The following KCNA3 variants were observed in gnomAD, a reference collection of about 807,000 sequenced individuals.
The protein encoded by KCNA3 is RP11-284N8.3.
KCNA3 carries 18 observed loss-of-function variants against 34.3 expected under a neutral mutation model. The observed-to-expected ratio is 0.52, with a 90% confidence interval of 0.36 to 0.78. The LOEUF (loss-of-function observed/expected upper bound fraction) is 0.78. KCNA3 is among the 30% of genes least tolerant of loss of function. The pLI is 0.00. For missense variants in KCNA3, 587 were observed against 802.5 expected (o/e 0.73, Z 3.24); for synonymous variants, 324 against 351.7 (o/e 0.92, Z 0.88).
chr1:110,654,391 C>G, the KCNA3 span: 2 of 152,092 alleles, frequency 1.3e-5, no homozygotes, highest in Admixed American at 1.3e-4. Flanking sequence ...AAAATGGTCA[C>G]TAGGTTGGAT....
Position 110,674,801 on chromosome 1 carries a change from C to T in KCNA3, c.9G>A (p.Glu3=), listed in dbSNP as rs909160123. 16 of 1,316,872 alleles carry T rather than the reference C, an allele frequency of 1.2e-5. No individual in the cohort carries two copies. Among genetic ancestry groups the T allele is most frequent in the Non-Finnish European group, 1.4e-5 (15 of 1,039,138 alleles). The allele number at this position is 1,316,872 out of a possible 1,614,324, so 81.6% of individuals were successfully genotyped here. Residue 3 remains glutamate, a synonymous_variant, in exon 1 of 1, where the codon GAG becomes GAA. Transcript: ENST00000369769. The surrounding 1 kb of genome is among the most constrained non-coding windows in gnomAD (Gnocchi z 6.4). MD[E]RLSLLRSPPP... ...GCGGCGAGCGCAGAAGGCTGAGGCG[C>T]TCGTCCATGCGGCGGGGAAGAGGCG...
chr1:110,674,484 T>C lies in KCNA3; in HGVS notation c.326A>G (p.Asn109Ser), dbSNP rs1407314634. The C allele has an allele frequency of 6.2e-7, 1 of 1,613,840 alleles. No homozygotes were observed. The highest frequency in any genetic ancestry group is 1.1e-5 in the South Asian group (1 of 91,060). The change falls in exon 1 of 1, where the codon AAC (asparagine) becomes AGC (serine). Residue 109 changes from asparagine to serine, a missense_variant. Asn to Ser is a conservative substitution (Grantham distance 46). Transcript: ENST00000369769. The surrounding 1 kb of genome is among the most constrained non-coding windows in gnomAD (Gnocchi z 6.4). ...CGTCTCGAAGCGCAGCCCGGAGATGTTGATGACCACGCGCTCCCCGCAGCA... is the reference window on the plus strand; with the variant it reads ...CGTCTCGAAGCGCAGCCCGGAGATGCTGATGACCACGCGCTCCCCGCAGCA... ...QDCCGERVVI[N>S]ISGLRFETQL...
chr1:110,673,355 G>A lies in KCNA3; in HGVS notation c.1455C>T (p.Tyr485=), dbSNP rs770015225. ...PVPVIVSNFN[Y]FYHRETEGEE... Reference sequence around the variant, plus strand: ...CCCCTTCTGTCTCCCGGTGGTAGAAGTAATTGAAGTTGGAAACAATCACGG... The same window carrying A: ...CCCCTTCTGTCTCCCGGTGGTAGAAATAATTGAAGTTGGAAACAATCACGG... Residue 485 remains tyrosine (Y), a synonymous_variant, in exon 1 of 1, where the codon TAC becomes TAT. Coordinates refer to ENST00000369769, the MANE Select transcript of KCNA3 (RefSeq NM_002232.5). This position sits in a 1 kb window ranked among gnomAD's most constrained non-coding sequence, Gnocchi z 8.8. 4 of 1,614,114 alleles carry A rather than the reference G, an allele frequency of 2.5e-6. No individual in the cohort carries two copies. Among genetic ancestry groups the A allele is most frequent in the Non-Finnish European group, 3.4e-6 (4 of 1,180,042 alleles).
chr1:110,667,986 T>C (rs1651743858), downstream of KCNA3, among the ~76,000 whole-genome samples: 1 of 152,182 alleles, frequency 6.6e-6, no homozygotes, highest in African/African-American at 2.4e-5. Context: ...ACTCCCTTTT[T>C]CCTGCCTCCT....
At chr1:110,658,743 G>A in the KCNA3 span, among the ~76,000 whole-genome samples, 1 of 152,120 alleles carries the variant, frequency 6.6e-6, no homozygotes, top group East Asian at 1.9e-4. Flanking sequence ...TTAAGAATGT[G>A]CTTTGTCTCA....
the KCNA3 span, chr1:110,657,004 T>C: frequency 3.9e-5 from 6 of 152,104 alleles, no homozygotes; most frequent in East Asian, 9.6e-4. Flanking sequence ...TCTTACTTCA[T>C]GTTTCTTTCC....
rs1229081460 is a variant in KCNA3 at position 110,673,237 on chromosome 1, T to C, written c.1573A>G (p.Ser525Gly). The C allele has an allele frequency of 6.2e-7, 1 of 1,614,118 alleles. No homozygotes were observed. The highest frequency in any genetic ancestry group is 1.1e-5 in the South Asian group (1 of 91,068). ...TCGATCACCATATACTCCGACTTAC[T>C]CAGAGTCGAGTTACTCCTTGCTTTT... ...LRKARSNSTL[S>G]KSEYMVIEEG... The change falls in exon 1 of 1, where the codon AGT (serine) becomes GGT (glycine). Residue 525 changes from serine (S) to glycine (G), a missense_variant. By Grantham distance (56) the Ser-to-Gly change is moderately conservative. This residue lies in a region of KCNA3 where 95 missense variants were observed against 107.3 expected (regional missense o/e 0.89). Transcript: ENST00000369769. The surrounding 1 kb of genome is among the most constrained non-coding windows in gnomAD (Gnocchi z 8.8).
the KCNA3 span, among the ~76,000 whole-genome samples, chr1:110,662,474 G>A: frequency 6.6e-6 from 1 of 152,034 alleles, no homozygotes; most frequent in African/African-American, 2.4e-5. Flanking sequence ...GTAGTTATAT[G>A]GGAACTTTGT....
chr1:110,667,995 C>T (rs146274212), downstream of KCNA3, among the ~76,000 whole-genome samples: 226 of 152,246 alleles, frequency 1.5e-3, no homozygotes, highest in African/African-American at 5.2e-3. Flanking sequence ...TTCCTGCCTC[C>T]TTTGATGTAC....
chr1:110,655,803 T>A, the KCNA3 span: 1 of 152,130 alleles, frequency 6.6e-6, no homozygotes. Context: ...AATTTTAGTA[T>A]CATTCTAATA....
chr1:110,656,097 A>G, the KCNA3 span: 2 of 152,120 alleles, frequency 1.3e-5, no homozygotes, highest in Non-Finnish European at 2.9e-5. Flanking sequence ...AAGGACATTA[A>G]CTTTTTAATG....
downstream of KCNA3, among the ~76,000 whole-genome samples, chr1:110,670,563 A>G (rs1218394095): frequency 1.3e-5 from 2 of 152,198 alleles, no homozygotes; most frequent in Non-Finnish European, 2.9e-5. Flanking sequence ...AATTGTTACA[A>G]TGTATCTAAC....
the KCNA3 span, among the ~76,000 whole-genome samples, chr1:110,660,583 C>T: frequency 2.6e-5 from 4 of 152,130 alleles, no homozygotes; most frequent in Non-Finnish European, 5.9e-5. Flanking sequence ...AATAGGATGA[C>T]ATTCCTATCA....
chr1:110,670,766 A>T (rs115121201), downstream of KCNA3, among the ~76,000 whole-genome samples: 684 of 152,282 alleles, frequency 4.5e-3, 11 homozygotes, highest in African/African-American at 0.015. Flanking sequence ...ATGACCAGGT[A>T]TATTTAGATT....
At chr1:110,656,344 G>A in the KCNA3 span, 118 of 151,482 alleles carry the variant, frequency 7.8e-4, no homozygotes, top group African/African-American at 2.6e-3. Flanking sequence ...TTTATGTCTT[G>A]CTGAGATCAA....
chr1:110,663,488 G>A, the KCNA3 span, among the ~76,000 whole-genome samples: 1 of 152,196 alleles, frequency 6.6e-6, no homozygotes, highest in Admixed American at 6.5e-5. Context: ...CAACAGTCAA[G>A]TCATTCTCTG....
chr1:110,674,324 G>T lies in KCNA3; in HGVS notation c.486C>A (p.Tyr162Ter). 1 of 1,614,194 alleles carries T rather than the reference G, an allele frequency of 6.2e-7. No individual in the cohort carries two copies. The highest frequency in any genetic ancestry group is 8.5e-7 in the Non-Finnish European group (1 of 1,180,022). The part of the protein sequence containing the change: ...NRPSFDAILY[Y>*]YQSGGRIRRP... ...GGCGGATGCGGCCCCCGGACTGATA[G>T]TAGTAGAGGATGGCGTCGAAGCTGG... The change falls in exon 1 of 1, where the codon TAC becomes TAA. Residue 162 changes from tyrosine to a stop codon, truncating the protein, a stop_gained. Coordinates refer to ENST00000369769, the MANE Select transcript of KCNA3 (RefSeq NM_002232.5). LOFTEE classifies it high-confidence loss of function. The surrounding 1 kb of genome is among the most constrained non-coding windows in gnomAD (Gnocchi z 6.4).
chr1:110,660,469 G>C, the KCNA3 span, among the ~76,000 whole-genome samples: 48 of 151,998 alleles, frequency 3.2e-4, no homozygotes, highest in Non-Finnish European at 6.5e-4. Context: ...GAGAACTCTT[G>C]AAGTGAATAA....
At chr1:110,664,741 C>T in the KCNA3 span, among the ~76,000 whole-genome samples, 1 of 151,800 alleles carries the variant, frequency 6.6e-6, no homozygotes, top group African/African-American at 2.4e-5. Context: ...GGAAAACATA[C>T]AATAAACAAA....
Sources: allele counts gnomAD v4.1 joint callset (sites outside exome capture counted in the v4.1 genomes callset), GRCh38; gene constraint gnomAD v4.1.1; regional missense constraint gnomAD v4.1.1; non-coding constraint Gnocchi (gnomAD v3.1); transcripts MANE v1.5; gene names NCBI Gene and HGNC (gene_info 2026-07-23, HGNC 2026-07-21).